Variants in PEX1 observed in about 807,000 individuals in gnomAD.
PEX1 encodes peroxisomal ATPase PEX1.
A neutral mutation model predicts 152.5 loss-of-function variants in PEX1; 97 were observed. The ratio of observed to expected loss-of-function variants is 0.64; its 90% CI spans 0.54 to 0.75. The LOEUF is 0.75. Ranked by LOEUF, PEX1 falls within the 30% of genes least tolerant of loss-of-function variation. PEX1 has a pLI of 0.00. For synonymous variants in PEX1, 485 were observed against 531.6 expected (o/e 0.91, Z 1.21); for missense variants, 1,357 against 1,516.3 (o/e 0.89, Z 1.74).
chr7:92,509,662 T>G (rs933431632), intron 8 of PEX1, among the ~76,000 whole-genome samples: 8 of 152,236 alleles, frequency 5.3e-5, no homozygotes, highest in African/African-American at 1.9e-4. Context: ...TCTATAATTT[T>G]GATTTGTGTC....
At chr7:92,516,008 A>AAAGAAAAGAGAAGAGAAGAGAAGAG (rs1452002272) in intron 5 of PEX1, among the ~76,000 whole-genome samples, 2 of 103,560 alleles carry the variant, frequency 1.9e-5, no homozygotes, top group African/African-American at 7.2e-5. Context: ...AAAGAAAAGA[A>AAAGAAAAGAGAAGAGAAGAGAAGAG]AAGAGAAGAG....
chr7:92,499,310 C>G (rs1474959242), intron 16 of PEX1, among the ~76,000 whole-genome samples: 1 of 152,168 alleles, frequency 6.6e-6, no homozygotes, highest in African/African-American at 2.4e-5. Flanking sequence ...AGAAACAATT[C>G]AAATGTTCAC....
chr7:92,512,063 C>T (rs148136618), intron 6 of PEX1, among the ~76,000 whole-genome samples: 20 of 152,370 alleles, frequency 1.3e-4, no homozygotes, highest in East Asian at 1.2e-3. Flanking sequence ...GACAGAATCT[C>T]GCTGTATCGC....
At position 92,517,563 on chromosome 7, in the gene PEX1, C is replaced by T. The variant is rs754893068; in HGVS notation, c.952G>A (p.Asp318Asn). Residue 318 changes from aspartate (D) to asparagine (N), a missense_variant, in exon 5 of 24, where the codon GAC becomes AAC. Transcript: ENST00000248633. Reference sequence around the variant, plus strand: ...GGCTCTACATCAAAATATTCCTGGTCCCATGGAAATACATGAATGGCACAG... The same window carrying T: ...GGCTCTACATCAAAATATTCCTGGTTCCATGGAAATACATGAATGGCACAG... ...KHCAIHVFPW[D>N]QEYFDVEPSF... 4.2e-5 allele frequency: 67 copies of T among 1,613,790 alleles called. No homozygotes were observed. Among genetic ancestry groups the T allele is most frequent in the Non-Finnish European group, 5.5e-5 (65 of 1,179,972 alleles).
chr7:92,517,527 C>T lies in PEX1; in HGVS notation c.988G>A (p.Val330Met). 1.2e-6 allele frequency: 2 copies of T among 1,614,014 alleles called. No individual in the cohort carries two copies. The highest frequency in any genetic ancestry group is 1.3e-5 in the African/African-American group (1 of 75,008). ...EYFDVEPSFT[V>M]TYGKLVKLLS... ...AGCTTAACTAGCTTTCCATATGTCA[C>T]AGTAAAGCTGGGCTCTACATCAAAA... The change falls in exon 5 of 24, where the codon GTG becomes ATG. Residue 330 changes from valine (V) to methionine (M), a missense_variant. Transcript: ENST00000248633.
chr7:92,518,029 T>A lies in PEX1; in HGVS notation c.486A>T (p.Pro162=), dbSNP rs1261529468. 3.1e-6 allele frequency: 5 copies of A among 1,614,192 alleles called. No individual in the cohort carries two copies. The change falls in exon 5 of 24, where the codon CCA becomes CCT. Residue 162 remains proline, a synonymous_variant. Transcript: ENST00000248633. ...YIFIQIVALI[P]AASYGRLETD... ...TTTCCAGCCTTCCATAAGAGGCAGC[T>A]GGTATTAGTGCAACTGTGTAGAAAA...
chr7:92,524,547 G>A (rs1023282426), intron 1 of PEX1, among the ~76,000 whole-genome samples: 2 of 152,146 alleles, frequency 1.3e-5, no homozygotes, highest in East Asian at 1.9e-4. Flanking sequence ...GATTACAGGC[G>A]TGAGCCACCA....
rs1792834029 is a variant in PEX1, at chr7:92,517,304, A to G, written c.1211T>C (p.Val404Ala). Residue 404 changes from valine (V) to alanine (A), a missense_variant, in exon 5 of 24, where the codon GTA (valine) becomes GCA (alanine). Coordinates refer to ENST00000248633, the MANE Select transcript of PEX1 (RefSeq NM_000466.3). ...GACTTTCCCAAGATGGAGAACTTCTACATTTTTGGTATATTTGATGGCATT... is the reference window on the plus strand; with the variant it reads ...GACTTTCCCAAGATGGAGAACTTCTGCATTTTTGGTATATTTGATGGCATT... The part of the protein sequence containing the change: ...LNNAIKYTKN[V>A]EVLHLGKVWI... 6.2e-7 allele frequency: 1 copy of G among 1,613,804 alleles called. No individual in the cohort carries two copies. Among genetic ancestry groups the G allele is most frequent in the Non-Finnish European group, 8.5e-7 (1 of 1,179,782 alleles).
rs1462798570 is a variant in PEX1 at position 92,487,506 on chromosome 7, T to C, written c.3803A>G (p.Asn1268Ser). The C allele has an allele frequency of 2.5e-6, 4 of 1,593,610 alleles. No individual in the cohort carries two copies. The highest frequency in any genetic ancestry group is 2.7e-5 in the African/African-American group (2 of 74,552). Residue 1268 changes from asparagine to serine, a missense_variant, in exon 24 of 24, where the codon AAT (asparagine) becomes AGT (serine). Physicochemically the swap from Asn to Ser is conservative, Grantham distance 46. Transcript: ENST00000248633. ...AGGTCGAAACATTGTTCCACTTTGA[T>C]TTTTTCTCCTCTTTGGATTTTGAAA... Reference protein sequence around the residue: ...ESFQNPKRRKNQSGTMFRPGQ... With the variant: ...ESFQNPKRRKSQSGTMFRPGQ...
rs187741748 is a variant in PEX1 at position 92,510,744 on chromosome 7, T to C, written c.1587+200A>G. On this transcript the variant is annotated intron_variant, in intron 8 of 23. Transcript: ENST00000248633. ...TTAATTGTGCTAAGGCATTCATTTTTAAATTTAGGTTAAGTCAATAATTTG... is the reference window on the plus strand; with the variant it reads ...TTAATTGTGCTAAGGCATTCATTTTCAAATTTAGGTTAAGTCAATAATTTG... The C allele has an allele frequency of 1.4e-5, 6 of 424,230 alleles. No individual in the cohort carries two copies. The East Asian group carries it at 2.4e-4, about 17-fold the overall frequency. The allele number at this position is 424,230 out of a possible 1,614,324, so 26.3% of individuals were successfully genotyped here. A position where few individuals can be genotyped will look rare whatever the true frequency, so the allele number is the denominator to read the frequency against.
chr7:92,515,235 A>C (rs996585042), intron 5 of PEX1, among the ~76,000 whole-genome samples: 1 of 151,842 alleles, frequency 6.6e-6, no homozygotes, highest in African/African-American at 2.4e-5. Context: ...AGACATATTA[A>C]TGGTAGACAA....
rs1306607552 is a variant in PEX1, at chr7:92,501,647, G to T, written c.2443C>A (p.Gln815Lys). The change falls in exon 15 of 24, where the codon CAA (glutamine) becomes AAA (lysine). Residue 815 changes from glutamine (Q) to lysine (K), a missense_variant. By Grantham distance (53) the Gln-to-Lys change is moderately conservative. Transcript: ENST00000248633. ...GGAAGAAATCCGCGGAGAGCCTTTT[G>T]GAAGTCCAATGTTGTTAAAACTAAT... Reference protein sequence around the residue: ...EKLVLTTLDFQKALRGFLPAS... With the variant: ...EKLVLTTLDFKKALRGFLPAS... 6.2e-7 allele frequency: 1 copy of T among 1,613,680 alleles called. No homozygotes were observed. Among genetic ancestry groups the T allele is most frequent in the Admixed American group, 1.7e-5 (1 of 60,002 alleles).
intron 1 of PEX1, among the ~76,000 whole-genome samples, chr7:92,524,895 C>T (rs1793198811): frequency 6.6e-6 from 1 of 152,088 alleles, no homozygotes; most frequent in Admixed American, 6.6e-5. Flanking sequence ...GTCAGCAATA[C>T]ATAATCCAGA....
chr7:92,527,620 C>T (rs947331163), intron 1 of PEX1, among the ~76,000 whole-genome samples: 2 of 152,208 alleles, frequency 1.3e-5, no homozygotes, highest in African/African-American at 2.4e-5. Context: ...TCCTTTTGCC[C>T]CCATAAGTAC....
chr7:92,497,758 A>G (rs1021796560), intron 16 of PEX1, among the ~76,000 whole-genome samples: 1 of 152,180 alleles, frequency 6.6e-6, no homozygotes, highest in Non-Finnish European at 1.5e-5. Flanking sequence ...CTATAGGACT[A>G]GAGGAGGGAA....
At chr7:92,528,177 C>A in intron 1 of PEX1, 130 bp downstream of exon 1, 2 of 1,226,854 alleles carry the variant, frequency 1.6e-6, no homozygotes, top group Non-Finnish European at 2.3e-6. Flanking sequence ...GCCCTGCCGT[C>A]GAGGGACCCT....
chr7:92,487,597 A>T (rs1376300034), intron 23 of PEX1, 56 bp from the exon 24 acceptor site: 14 of 768,048 alleles, frequency 1.8e-5, no homozygotes, highest in Non-Finnish European at 3.1e-5. Context: ...ACAAAACAAA[A>T]GATAATGGAT....
chr7:92,508,878 C>T (rs1792321479), intron 9 of PEX1, among the ~76,000 whole-genome samples: 1 of 152,060 alleles, frequency 6.6e-6, no homozygotes, highest in African/African-American at 2.4e-5. Flanking sequence ...TAATACAAGA[C>T]AGTGAAGGAA....
intron 16 of PEX1, among the ~76,000 whole-genome samples, chr7:92,497,301 G>A (rs969505568): frequency 1.3e-5 from 2 of 152,188 alleles, no homozygotes. Context: ...AAGTGAATAA[G>A]TGAATGGTGT....
Sources: gnomAD v4.1 joint callset for allele counts (sites outside exome capture counted in the v4.1 genomes callset) on GRCh38, gnomAD v4.1.1 for gene constraint, MANE v1.5 for transcripts, NCBI Gene and HGNC (gene_info 2026-07-23, HGNC 2026-07-21) for gene names.